The following MCPH1 variants were observed in gnomAD, a reference collection of about 807,000 sequenced individuals.
The protein encoded by MCPH1 is microcephalin 1.
A neutral mutation model predicts 84.5 loss-of-function variants in MCPH1; 104 were observed. That is an observed-to-expected ratio of 1.23 (90% CI 1.05 to 1.45). The LOEUF is 1.45. Among genes scored for constraint, MCPH1 ranks in the 40% most tolerant of loss-of-function variants. The pLI is 0.00. For synonymous variants in MCPH1, 514 were observed against 366.8 expected (o/e 1.40, Z -4.58); for missense variants, 1,498 against 1,005.7 (o/e 1.49, Z -6.62).
intron 13 of MCPH1, among the ~76,000 whole-genome samples, chr8:6,639,119 A>G (rs1447428717): frequency 6.6e-6 from 1 of 152,122 alleles, no homozygotes; most frequent in African/African-American, 2.4e-5. Flanking sequence ...CTTTATCCCC[A>G]CCACGATAAA....
At chr8:6,533,711 G>C (rs1425954592) in intron 12 of MCPH1, among the ~76,000 whole-genome samples, 2 of 150,338 alleles carry the variant, frequency 1.3e-5, no homozygotes, top group African/African-American at 4.9e-5. Context: ...TTATTACATT[G>C]AATAATTGAA....
intron 3 of MCPH1, among the ~76,000 whole-genome samples, chr8:6,415,902 G>A (rs1210600906): frequency 1.3e-5 from 2 of 152,108 alleles, no homozygotes; most frequent in Non-Finnish European, 2.9e-5. Context: ...AATTAGGGAA[G>A]TGTTCATAAT....
chr8:6,615,993 A>G (rs141679154), intron 12 of MCPH1: 3 of 152,234 alleles, frequency 2.0e-5, no homozygotes, highest in African/African-American at 4.8e-5. Flanking sequence ...TGATGATCGC[A>G]TAACTCTGAC....
intron 12 of MCPH1, among the ~76,000 whole-genome samples, chr8:6,607,466 G>T (rs1563181232): frequency 6.6e-6 from 1 of 152,254 alleles, no homozygotes; most frequent in African/African-American, 2.4e-5. Flanking sequence ...TTTTCCTCTT[G>T]TTACTCTTTA....
chr8:6,466,176 C>T (rs1208978822), intron 9 of MCPH1, among the ~76,000 whole-genome samples: 1 of 137,538 alleles, frequency 7.3e-6, no homozygotes, highest in Non-Finnish European at 1.5e-5. Context: ...CTTGCTCTAT[C>T]GCCAGGCTGG....
At chr8:6,470,355 C>T (rs565972956) in intron 9 of MCPH1, among the ~76,000 whole-genome samples, 23 of 152,284 alleles carry the variant, frequency 1.5e-4, no homozygotes, top group African/African-American at 5.5e-4. Flanking sequence ...GCGATCTCCG[C>T]TCACTGCAAC....
rs1030795421 is a variant in MCPH1, at chr8:6,643,773, G to C, written c.*724G>C. ...ATCTAGCGGAGATTCCTCTCTTAAA[G>C]TAATGAAAGGAGATAGGTATGGGGG... On this transcript the variant is annotated 3_prime_UTR_variant, in exon 14 of 14. Transcript: ENST00000344683. The C allele has an allele frequency of 7.9e-5, 12 of 152,582 alleles. No individual in the cohort carries two copies. Among genetic ancestry groups the C allele is most frequent in the African/African-American group, 2.9e-4 (12 of 41,436 alleles). 9.5% of individuals were successfully genotyped at this position (152,582 alleles called of 1,614,324 possible). A position where few individuals can be genotyped will look rare whatever the true frequency, so the allele number is the denominator to read the frequency against.
chr8:6,512,043 A>C (rs191203491), intron 12 of MCPH1, among the ~76,000 whole-genome samples: 1 of 151,846 alleles, frequency 6.6e-6, no homozygotes, highest in Admixed American at 6.6e-5. Flanking sequence ...TCAAGTTGGA[A>C]CTGCTGTGAG....
intron 2 of MCPH1, among the ~76,000 whole-genome samples, chr8:6,413,520 C>T (rs1294706254): frequency 6.6e-6 from 1 of 151,666 alleles, no homozygotes; most frequent in African/African-American, 2.4e-5. Flanking sequence ...TCTTTAACTT[C>T]TGTTGATTGG....
chr8:6,465,261 G>A (rs192893499), intron 9 of MCPH1, among the ~76,000 whole-genome samples: 7 of 152,226 alleles, frequency 4.6e-5, no homozygotes, highest in Admixed American at 4.6e-4. Context: ...TTTTAAAAGG[G>A]AGTAAAGGGA....
chr8:6,592,614 C>CTTTTTTTTTTTTTTTTTTTTTTT (rs1252024553), intron 12 of MCPH1, among the ~76,000 whole-genome samples: 31 of 65,512 alleles, frequency 4.7e-4, no homozygotes, highest in East Asian at 7.1e-4. Context: ...GTTTTTCTTT[C>CTTTTTTTTTTTTTTTTTTTTTTT]TTTTTTTTGT....
intron 12 of MCPH1, among the ~76,000 whole-genome samples, chr8:6,584,018 C>T (rs1283128861): frequency 6.6e-6 from 1 of 152,070 alleles, no homozygotes; most frequent in African/African-American, 2.4e-5. Context: ...GTCTGACGCA[C>T]GCATGGGTTT....
intron 11 of MCPH1, among the ~76,000 whole-genome samples, chr8:6,489,755 C>T (rs1373163333): frequency 3.9e-5 from 6 of 152,288 alleles, no homozygotes; most frequent in Non-Finnish European, 7.4e-5. Context: ...CACAGATCAT[C>T]GTCCTAGTGC....
At chr8:6,420,481 A>G (rs1800010272) in intron 3 of MCPH1, among the ~76,000 whole-genome samples, 1 of 152,130 alleles carries the variant, frequency 6.6e-6, no homozygotes, top group Non-Finnish European at 1.5e-5. Flanking sequence ...GTGAGAATGT[A>G]GGTCATATGT....
chr8:6,640,110 G>A (rs1797848638), intron 13 of MCPH1, among the ~76,000 whole-genome samples: 1 of 126,788 alleles, frequency 7.9e-6, no homozygotes, highest in Admixed American at 9.4e-5. Context: ...GCGCGCGTGT[G>A]TGTGTGTGTG....
At chr8:6,424,935 C>A (rs1166398032) in intron 3 of MCPH1, among the ~76,000 whole-genome samples, 1 of 152,190 alleles carries the variant, frequency 6.6e-6, no homozygotes, top group African/African-American at 2.4e-5. Flanking sequence ...AACACAGTGC[C>A]GTTTACAAAA....
intron 12 of MCPH1, among the ~76,000 whole-genome samples, chr8:6,620,478 C>T (rs898523096): frequency 1.3e-5 from 2 of 152,134 alleles, no homozygotes; most frequent in Non-Finnish European, 2.9e-5. Context: ...CGAGGTCAGC[C>T]TTGCCTGCTG....
intron 13 of MCPH1, among the ~76,000 whole-genome samples, chr8:6,622,384 A>G (rs1452669020): frequency 6.6e-6 from 1 of 152,212 alleles, no homozygotes; most frequent in Non-Finnish European, 1.5e-5. Context: ...AAGAGGGTTA[A>G]GGAAGAGTGT....
chr8:6,505,432 A>T lies in MCPH1; in HGVS notation c.2214+5503A>T, dbSNP rs1350296518. 1.8e-4 allele frequency among the ~76,000 whole-genome samples: 14 copies of T among 78,158 alleles called. 2 individuals carry two copies. Among genetic ancestry groups the T allele is most frequent in the African/African-American group, 5.9e-4 (14 of 23,612 alleles). 51.3% of individuals were successfully genotyped at this position (78,158 alleles called of 152,430 possible). A position where few individuals can be genotyped will look rare whatever the true frequency, so the allele number is the denominator to read the frequency against. On this transcript the variant is annotated intron_variant, in intron 12 of 13. Transcript: ENST00000344683. ...TATTCTTTATATACATAAAGAATAT[A>T]TATATTCTTTATATACATATAGAAT...
Sources: allele counts gnomAD v4.1 joint callset (sites outside exome capture counted in the v4.1 genomes callset), GRCh38; gene constraint gnomAD v4.1.1; transcripts MANE v1.5; gene names NCBI Gene and HGNC (gene_info 2026-07-23, HGNC 2026-07-21).